SLC4A7: variants seen among roughly 807,000 people sequenced by gnomAD.
The protein encoded by SLC4A7 is sodium bicarbonate cotransporter 3.
SLC4A7 carries 51 observed loss-of-function variants against 137.6 expected under a neutral mutation model. The observed-to-expected ratio is 0.37, with a 90% confidence interval of 0.30 to 0.47. The LOEUF (loss-of-function observed/expected upper bound fraction) is 0.47, where lower values mean the gene tolerates loss of function less well. Ranked by LOEUF, SLC4A7 falls within the 20% of genes least tolerant of loss-of-function variation. The probability of loss-of-function intolerance (pLI) is 1.00; values close to 1 mark genes in which losing one functional copy is unlikely to be tolerated. For missense variants in SLC4A7, 1,247 were observed against 1,525.4 expected, an observed-to-expected ratio of 0.82 and a Z score of 3.04; for synonymous variants, 542 against 518.6, an observed-to-expected ratio of 1.05 and a Z score of -0.61.
Position 27,400,821 on chromosome 3 carries a change from T to A in SLC4A7, c.2370A>T (p.Gln790His). 1 of 1,608,804 alleles carries A rather than the reference T, an allele frequency of 6.2e-7. No individual in the cohort carries two copies. Among genetic ancestry groups the A allele is most frequent in the Non-Finnish European group, 8.5e-7 (1 of 1,175,306 alleles). The change falls in exon 16 of 26, where the codon CAA becomes CAT. Residue 790 changes from glutamine (Q) to histidine (H), a missense_variant. This residue lies in a region of SLC4A7 where 499 missense variants were observed against 664.2 expected (regional missense o/e 0.75). Transcript: ENST00000454389. Reference sequence around the variant, plus strand: ...GTGCTGTTATATTATCTTTCTTCCATTGTGCTAGAGTTTCATTGCTGGGGT... The same window carrying A: ...GTGCTGTTATATTATCTTTCTTCCAATGTGCTAGAGTTTCATTGCTGGGGT... ...PPNPSNETLAQWKKDNITAHN... is the reference protein window; with the variant it reads ...PPNPSNETLAHWKKDNITAHN...
In SLC4A7 at chr3:27,397,807, A is replaced by T. The variant is rs1282862931; in HGVS notation, c.2590-10T>A. 6 of 1,431,026 alleles carry T rather than the reference A, an allele frequency of 4.2e-6. No homozygotes were observed. Among genetic ancestry groups the T allele is most frequent in the African/African-American group, 1.4e-5 (1 of 71,192 alleles). The allele number at this position is 1,431,026 out of a possible 1,614,324, so 88.6% of individuals were successfully genotyped here. On this transcript the variant is annotated splice_polypyrimidine_tract_variant and intron_variant, in intron 17 of 25. Transcript: ENST00000454389. ...TGATTGTCGATCGCACCTATGTTAAAGGGATTATGTTAATATAAACACAGA... is the reference window on the plus strand; with the variant it reads ...TGATTGTCGATCGCACCTATGTTAATGGGATTATGTTAATATAAACACAGA...
chr3:27,444,157 G>T (rs2057421577), intron 3 of SLC4A7, among the ~76,000 whole-genome samples: 1 of 152,144 alleles, frequency 6.6e-6, no homozygotes, highest in African/African-American at 2.4e-5. Flanking sequence ...TCAGAGAGGA[G>T]AGCTAAAATC....
intron 19 of SLC4A7, 79 bp from the exon 20 acceptor site, chr3:27,394,848 G>A: frequency 6.5e-7 from 1 of 1,547,804 alleles, no homozygotes; most frequent in Non-Finnish European, 8.7e-7. Flanking sequence ...ATTATAAAGA[G>A]GGAAGAAGCT....
intron 18 of SLC4A7, among the ~76,000 whole-genome samples, chr3:27,395,360 C>G (rs1442383869): frequency 1.3e-5 from 2 of 152,188 alleles, no homozygotes; most frequent in Admixed American, 1.3e-4. Flanking sequence ...TCCTTCCCCC[C>G]TGAAACCAGG....
In SLC4A7 at chr3:27,466,480, C is replaced by T. The variant is rs2059003900; in HGVS notation, c.61-13982G>A. 2.7e-5 allele frequency among the ~76,000 whole-genome samples: 4 copies of T among 145,540 alleles called. No homozygotes were observed. The South Asian group carries it at 6.6e-4, about 24-fold the overall frequency. On this transcript the variant is annotated intron_variant, in intron 1 of 25. Coordinates refer to ENST00000454389, the MANE Select transcript of SLC4A7 (RefSeq NM_001321103.2). ...AAAAAAAGAAAAAGAAAAGGGGGTA[C>T]ATTAAGGTGCACAATTTTAATTATG...
chr3:27,390,095 G>T lies in SLC4A7; in HGVS notation c.3196C>A (p.Arg1066Ser). The T allele has an allele frequency of 6.3e-7, 1 of 1,585,152 alleles. No homozygotes were observed. Among genetic ancestry groups the T allele is most frequent in the Non-Finnish European group, 8.6e-7 (1 of 1,157,552 alleles). Residue 1066 changes from arginine to serine, a missense_variant, in exon 22 of 26, where the codon CGT (arginine) becomes AGT (serine). Around this residue, in one of 6 missense-constraint regions of SLC4A7, gnomAD observed 290 missense variants for 323.8 expected, o/e 0.90. Coordinates refer to ENST00000454389, the MANE Select transcript of SLC4A7 (RefSeq NM_001321103.2). The part of the protein sequence containing the change: ...SSLKGIQLFD[R>S]IKLFGMPAKH... ...GCAGGCATTCCAAATAATTTTATACGGTCAAATAACTACATATAGAATAAA... is the reference window on the plus strand; with the variant it reads ...GCAGGCATTCCAAATAATTTTATACTGTCAAATAACTACATATAGAATAAA...
Position 27,409,483 on chromosome 3 carries a change from A to C in SLC4A7, c.1814T>G (p.Phe605Cys). The C allele has an allele frequency of 1.2e-6, 2 of 1,613,224 alleles. No homozygotes were observed. ...TAATGCATCCTTGAAGTCACTCAAG[A>C]AAAAAGGTGCTTTCCTTTTGATGTC... Reference protein sequence around the residue: ...ILDIKRKAPFFLSDFKDALSL... With the variant: ...ILDIKRKAPFCLSDFKDALSL... Residue 605 changes from phenylalanine (F) to cysteine (C), a missense_variant, in exon 13 of 26, where the codon TTC (phenylalanine) becomes TGC (cysteine). Physicochemically the swap from Phe to Cys is radical, Grantham distance 205. Coordinates refer to ENST00000454389, the MANE Select transcript of SLC4A7 (RefSeq NM_001321103.2).
At chr3:27,482,539 G>C (rs376788447) in intron 1 of SLC4A7, among the ~76,000 whole-genome samples, 32 of 152,334 alleles carry the variant, frequency 2.1e-4, no homozygotes, top group African/African-American at 7.5e-4. Flanking sequence ...GGGAGGCCGA[G>C]GCGGGTGGAT....
At chr3:27,463,401 G>A (rs1177168293) in intron 1 of SLC4A7, among the ~76,000 whole-genome samples, 1 of 152,098 alleles carries the variant, frequency 6.6e-6, no homozygotes, top group Non-Finnish European at 1.5e-5. Flanking sequence ...CTGCACTCCA[G>A]CCTCGGCGAC....
Position 27,434,063 on chromosome 3 carries a change from C to T in SLC4A7, c.631G>A (p.Glu211Lys), listed in dbSNP as rs374072016. The T allele has an allele frequency of 1.4e-5, 22 of 1,613,170 alleles. No individual in the cohort carries two copies. The highest frequency in any genetic ancestry group is 2.7e-5 in the African/African-American group (2 of 74,928). ...TCTCTGACATTCTCTCGTATGGACT[C>T]GTCTAATTGGCCAGAAGCTATCATG... ...DNMIASGQLD[E>K]SIRENVREAL... is the part of the protein sequence containing the mutation. Residue 211 changes from glutamate to lysine, a missense_variant, in exon 6 of 26, where the codon GAG becomes AAG. Glu to Lys is a moderately conservative substitution (Grantham distance 56, BLOSUM62 1). Around this residue, in one of 6 missense-constraint regions of SLC4A7, gnomAD observed 223 missense variants for 203.6 expected, o/e 1.10. Coordinates refer to ENST00000454389, the MANE Select transcript of SLC4A7 (RefSeq NM_001321103.2).
chr3:27,424,283 C>T (rs746299209), intron 7 of SLC4A7, 131 bp from the exon 8 acceptor site: 105 of 518,510 alleles, frequency 2.0e-4, no homozygotes, highest in South Asian at 5.0e-4. Context: ...AAAATAAGTG[C>T]CCGGTGTTAG....
chr3:27,478,849 AAG>A (rs1553723896), intron 1 of SLC4A7, among the ~76,000 whole-genome samples: 31 of 150,106 alleles, frequency 2.1e-4, no homozygotes, highest in South Asian at 1.3e-3. Context: ...AAAAAAAAAA[AAG>A]AGAGAGAGGG....
At chr3:27,473,110 A>T (rs1233756221) in intron 1 of SLC4A7, among the ~76,000 whole-genome samples, 1 of 151,702 alleles carries the variant, frequency 6.6e-6, no homozygotes, top group African/African-American at 2.4e-5. Context: ...GAATCAGCTT[A>T]AAAAATGGAA....
At chr3:27,463,908 C>A (rs1032045875) in intron 1 of SLC4A7, among the ~76,000 whole-genome samples, 1 of 152,184 alleles carries the variant, frequency 6.6e-6, no homozygotes, top group Non-Finnish European at 1.5e-5. Flanking sequence ...TGCCGTATGA[C>A]AAGAACCCGG....
chr3:27,433,900 C>T lies in SLC4A7; in HGVS notation c.778+16G>A, dbSNP rs746488140. ...TAGAAGTGTTAGCAAAAATTGGATG[C>T]CACAACTTATCTCACCATTCCTTTC... On this transcript the variant is annotated intron_variant, in intron 6 of 25. Transcript: ENST00000454389. The T allele has an allele frequency of 6.2e-7, 1 of 1,612,298 alleles. No individual in the cohort carries two copies. Among genetic ancestry groups the T allele is most frequent in the Non-Finnish European group, 8.5e-7 (1 of 1,179,106 alleles).
chr3:27,411,789 A>C (rs1222223769), intron 11 of SLC4A7, 41 bp from the exon 12 acceptor site: 1 of 1,159,454 alleles, frequency 8.6e-7, no homozygotes, highest in African/African-American at 1.6e-5. Flanking sequence ...ATTCTATTTT[A>C]AGAAAACTTG....
Position 27,400,754 on chromosome 3 carries a change from A to T in SLC4A7, c.2427+10T>A. ...CTATTACAAAACCCTTTATTTCAAAATATACTCACAGAAACAGTAAGATTT... is the reference window on the plus strand; with the variant it reads ...CTATTACAAAACCCTTTATTTCAAATTATACTCACAGAAACAGTAAGATTT... On this transcript the variant is annotated intron_variant, in intron 16 of 25. Transcript: ENST00000454389. 1 of 1,491,518 alleles carries T rather than the reference A, an allele frequency of 6.7e-7. No homozygotes were observed. The highest frequency in any genetic ancestry group is 9.3e-7 in the Non-Finnish European group (1 of 1,073,850). The allele number at this position is 1,491,518 out of a possible 1,614,324, so 92.4% of individuals were successfully genotyped here.
chr3:27,409,066 C>T (rs2053659551), intron 13 of SLC4A7, among the ~76,000 whole-genome samples: 1 of 152,100 alleles, frequency 6.6e-6, no homozygotes, highest in Non-Finnish European at 1.5e-5. Context: ...CCCAGTCCAC[C>T]CCACCTCAAA....
intron 3 of SLC4A7, among the ~76,000 whole-genome samples, chr3:27,443,031 TC>T (rs67560393): frequency 0.095 from 11,780 of 124,224 alleles, 1,403 homozygotes; most frequent in South Asian, 0.19. Flanking sequence ...TTTCTTTTTT[TC>T]TTTTTTTTTT....
Sources: allele counts gnomAD v4.1 joint callset (sites outside exome capture counted in the v4.1 genomes callset), GRCh38; gene constraint gnomAD v4.1.1; regional missense constraint gnomAD v4.1.1; transcripts MANE v1.5; gene names NCBI Gene and HGNC (gene_info 2026-07-23, HGNC 2026-07-21).